SHROOM2: variants seen among roughly 807,000 people sequenced by gnomAD.
SHROOM2 encodes the protein protein Shroom2.
SHROOM2 carries 33 observed loss-of-function variants against 75.9 expected under a neutral mutation model. That is an observed-to-expected ratio of 0.43 (90% confidence interval 0.33 to 0.58). SHROOM2 has a LOEUF of 0.58. SHROOM2 is among the 20% of genes least tolerant of loss of function. The pLI, the probability that SHROOM2 is intolerant of heterozygous loss-of-function variation, is 0.04. For missense variants in SHROOM2, 1,434 were observed against 1,461.2 expected, an observed-to-expected ratio of 0.98 and a Z score of 0.30; for synonymous variants, 655 against 663.6, an observed-to-expected ratio of 0.99 and a Z score of 0.20.
chrX:9,826,755 G>C (rs953071608), intron 1 of SHROOM2, among the ~76,000 whole-genome samples: 3 of 111,986 alleles, frequency 2.7e-5, no homozygotes, highest in African/African-American at 9.7e-5. Flanking sequence ...CGTCCAGGGC[G>C]ACAGAGAGCT....
At chrX:9,923,368 A>G (rs910966436) in intron 5 of SHROOM2, among the ~76,000 whole-genome samples, 2 of 111,655 alleles carry the variant, frequency 1.8e-5, no homozygotes, top group Non-Finnish European at 3.8e-5. Flanking sequence ...GATGAGAGTA[A>G]TTTCATTTCA....
At chrX:9,925,193 G>A (rs902937063) in intron 5 of SHROOM2, among the ~76,000 whole-genome samples, 2 of 111,749 alleles carry the variant, frequency 1.8e-5, no homozygotes, top group Non-Finnish European at 3.8e-5. Context: ...GTGTGTGTCT[G>A]TAAGAGCTGC....
At chrX:9,864,084 C>T (rs1167618380) in intron 1 of SHROOM2, among the ~76,000 whole-genome samples, 1 of 110,682 alleles carries the variant, frequency 9.0e-6, no homozygotes, top group Non-Finnish European at 1.9e-5. Flanking sequence ...TGTCTCCGGG[C>T]GAAACTTCAG....
In SHROOM2 at chrX:9,801,503, T is replaced by G. The variant is rs576569193; in HGVS notation, c.165+14793T>G. Among the ~76,000 whole-genome samples the G allele has an allele frequency of 2.9e-4, 33 of 112,477 alleles. No individual in the cohort carries two copies. In the Middle Eastern group the frequency reaches 0.014, roughly 47 times the overall value. On this transcript the variant is annotated intron_variant, in intron 1 of 9. Transcript: ENST00000380913. ...ATGTGACTGTTGAACAGTTGAAATG[T>G]AGCTGGTTCAAATTGAGATATACTG...
intron 3 of SHROOM2, 87 bp from the exon 4 acceptor site, chrX:9,894,270 CA>C (rs1416199504): frequency 3.3e-6 from 3 of 918,650 alleles, no homozygotes; most frequent in Non-Finnish European, 4.5e-6. Context: ...GGTATTTCCA[CA>C]GAGGGTCAGC....
intron 2 of SHROOM2, among the ~76,000 whole-genome samples, chrX:9,882,805 T>C (rs1240506844): frequency 8.9e-6 from 1 of 112,271 alleles, no homozygotes. Context: ...TTGCTTACAA[T>C]GAGGCTCTGA....
At chrX:9,888,716 T>G (rs1005422091) in intron 2 of SHROOM2, among the ~76,000 whole-genome samples, 2 of 112,048 alleles carry the variant, frequency 1.8e-5, no homozygotes, top group Non-Finnish European at 3.8e-5. Context: ...AGTGCTGGGA[T>G]TACAGGTGTG....
At chrX:9,922,588 T>C (rs745762127) in intron 5 of SHROOM2, among the ~76,000 whole-genome samples, 9 of 110,809 alleles carry the variant, frequency 8.1e-5, no homozygotes, top group African/African-American at 2.3e-4. Context: ...CTGCTGTGTC[T>C]CGGTAGTTTT....
At chrX:9,833,655 T>C (rs2083928638) in intron 1 of SHROOM2, among the ~76,000 whole-genome samples, 1 of 103,881 alleles carries the variant, frequency 9.6e-6, no homozygotes, top group Admixed American at 1.0e-4. Context: ...TGCATGCACG[T>C]GCACACATGA....
chrX:9,894,497 A>G lies in SHROOM2; in HGVS notation c.589A>G (p.Ile197Val). The G allele has an allele frequency of 1.7e-6, 2 of 1,210,849 alleles. No homozygotes were observed. Among genetic ancestry groups the G allele is most frequent in the Non-Finnish European group, 2.2e-6 (2 of 895,317 alleles). ...CTCGGTGGCCAAGTCCAACAGCAGC[A>G]TCGACCACCTGGGCAGCCACAGCAA... is the stretch of plus-strand genomic sequence containing the variant. ...RLSVAKSNSS[I>V]DHLGSHSKRD... Residue 197 changes from isoleucine to valine, a missense_variant, in exon 4 of 10, where the codon ATC (isoleucine) becomes GTC (valine). Ile to Val is a conservative substitution (Grantham distance 29, BLOSUM62 3). Transcript: ENST00000380913.
chrX:9,792,087 AATAG>A (rs2083660357), intron 1 of SHROOM2, among the ~76,000 whole-genome samples: 1 of 13,528 alleles, frequency 7.4e-5, no homozygotes, highest in African/African-American at 2.1e-4. Context: ...AATAGAATAG[AATAG>A]AATAGAATAG....
chrX:9,823,520 A>G (rs2083871234), intron 1 of SHROOM2, among the ~76,000 whole-genome samples: 1 of 110,817 alleles, frequency 9.0e-6, no homozygotes. Flanking sequence ...CTTAAACATA[A>G]GATTTTATTT....
intron 1 of SHROOM2, among the ~76,000 whole-genome samples, chrX:9,870,677 C>A (rs1266935952): frequency 8.9e-6 from 1 of 112,196 alleles, no homozygotes; most frequent in Non-Finnish European, 1.9e-5. Context: ...AATCTTTTCA[C>A]CTCTTTGTAG....
At chrX:9,860,495 C>T (rs1325501044) in intron 1 of SHROOM2, among the ~76,000 whole-genome samples, 1 of 111,421 alleles carries the variant, frequency 9.0e-6, no homozygotes, top group Non-Finnish European at 1.9e-5. Context: ...GTGATTTTGG[C>T]TCACTGCAAC....
At chrX:9,823,065 C>CCCCCTTCTCCCTT (rs1292772588) in intron 1 of SHROOM2, among the ~76,000 whole-genome samples, 1 of 25,099 alleles carries the variant, frequency 4.0e-5, no homozygotes, top group Non-Finnish European at 7.9e-5. Flanking sequence ...TCCTCCTCCT[C>CCCCCTTCTCCCTT]CTCCTCCTCC....
chrX:9,860,538 C>G (rs1176639775), intron 1 of SHROOM2, among the ~76,000 whole-genome samples: 1 of 111,520 alleles, frequency 9.0e-6, no homozygotes, highest in Non-Finnish European at 1.9e-5. Flanking sequence ...ATTCTCTTGC[C>G]TTAGCCTCCT....
intron 1 of SHROOM2, among the ~76,000 whole-genome samples, chrX:9,868,036 C>T (rs1363243655): frequency 9.2e-6 from 1 of 109,214 alleles, no homozygotes; most frequent in Non-Finnish European, 1.9e-5. Context: ...CACCGAAAAC[C>T]CCACCCGGTC....
intron 1 of SHROOM2, among the ~76,000 whole-genome samples, chrX:9,842,428 T>G (rs1048950215): frequency 8.9e-6 from 1 of 112,638 alleles, no homozygotes; most frequent in Non-Finnish European, 1.9e-5. Context: ...ATCCTCCTGT[T>G]GTTTCCTTTT....
At chrX:9,862,854 G>A (rs1476839599) in intron 1 of SHROOM2, among the ~76,000 whole-genome samples, 4 of 112,396 alleles carry the variant, frequency 3.6e-5, no homozygotes, top group African/African-American at 1.3e-4. Context: ...TGTCTTCAGA[G>A]CTGCACTGTA....
Sources: gnomAD v4.1 joint callset for allele counts (sites outside exome capture counted in the v4.1 genomes callset) on GRCh38, gnomAD v4.1.1 for gene constraint, MANE v1.5 for transcripts, NCBI Gene and HGNC (gene_info 2026-07-23, HGNC 2026-07-21) for gene names.